Variants in PCSK5 observed in about 807,000 individuals in gnomAD.
PCSK5 encodes the protein prohormone convertase 5.
In PCSK5, 129 loss-of-function variants were observed where a neutral mutation model predicts 233.2. The observed-to-expected ratio is 0.55, with a 90% CI of 0.48 to 0.64. PCSK5 has a LOEUF of 0.64. Among genes scored for constraint, PCSK5 ranks in the 30% least tolerant of loss-of-function variants. The pLI, the probability that PCSK5 is intolerant of heterozygous loss-of-function variation, is 0.00. For missense variants in PCSK5, 2,076 were observed against 2,430.1 expected, an observed-to-expected ratio of 0.85 and a Z score of 3.06; for synonymous variants, 825 against 879.2, an observed-to-expected ratio of 0.94 and a Z score of 1.09.
At chr9:76,057,844 T>C in intron 5 of PCSK5, among the ~76,000 whole-genome samples, 1 of 142,490 alleles carries the variant, frequency 7.0e-6, no homozygotes, top group East Asian at 2.1e-4. Flanking sequence ...TTTTTTTTTT[T>C]TTTTTTTTTT....
chr9:76,156,404 T>G (rs887992533), intron 10 of PCSK5, among the ~76,000 whole-genome samples: 1 of 152,236 alleles, frequency 6.6e-6, no homozygotes, highest in African/African-American at 2.4e-5. Flanking sequence ...TGGATAAAGT[T>G]TAATAAATTT....
chr9:76,211,852 A>G (rs936691329), intron 20 of PCSK5, among the ~76,000 whole-genome samples: 3 of 152,130 alleles, frequency 2.0e-5, no homozygotes, highest in Non-Finnish European at 4.4e-5. Context: ...TGTCTCAAAA[A>G]AAAAATCAAA....
chr9:76,062,247 C>A (rs1830055272), intron 5 of PCSK5, among the ~76,000 whole-genome samples: 1 of 150,522 alleles, frequency 6.6e-6, no homozygotes, highest in African/African-American at 2.5e-5. Context: ...GAGCCCGTCT[C>A]CTAAAAAAAA....
At chr9:75,951,121 C>T (rs1473947776) in intron 2 of PCSK5, among the ~76,000 whole-genome samples, 1 of 152,206 alleles carries the variant, frequency 6.6e-6, no homozygotes, top group Non-Finnish European at 1.5e-5. Context: ...AGAGTCCAAA[C>T]TGGCACTGAA....
At chr9:76,156,683 A>G (rs896535927) in intron 10 of PCSK5, among the ~76,000 whole-genome samples, 2 of 152,230 alleles carry the variant, frequency 1.3e-5, no homozygotes, top group Non-Finnish European at 2.9e-5. Flanking sequence ...TTGCTAGTCA[A>G]TCTTGGCCAA....
At chr9:76,044,660 G>T (rs900290330) in intron 5 of PCSK5, among the ~76,000 whole-genome samples, 1 of 152,112 alleles carries the variant, frequency 6.6e-6, no homozygotes, top group Non-Finnish European at 1.5e-5. Context: ...TAGAGATTTT[G>T]GTCATCAGGA....
chr9:75,892,608 GGGA>G (rs1204556320), intron 1 of PCSK5, among the ~76,000 whole-genome samples: 1 of 152,210 alleles, frequency 6.6e-6, no homozygotes, highest in Admixed American at 6.5e-5. Context: ...CCGGCGGAGT[GGGA>G]GAGTACGGAC....
In PCSK5 at chr9:76,310,732, C is replaced by T. The variant is rs370033696; in HGVS notation, c.3765C>T (p.Cys1255=). Residue 1255 remains cysteine, a synonymous_variant, in exon 30 of 38, where the codon TGC becomes TGT. Transcript: ENST00000674117. The part of the protein sequence containing the change: ...GTWPSVRSGS[C]ENCTEACAIC... Reference sequence around the variant, plus strand: ...GGCCTTCCGTAAGGAGTGGGAGCTGCGAGAACTGTACGGAGGCCTGTGCCA... The same window carrying T: ...GGCCTTCCGTAAGGAGTGGGAGCTGTGAGAACTGTACGGAGGCCTGTGCCA... 2.6e-5 allele frequency: 42 copies of T among 1,612,162 alleles called. No individual in the cohort carries two copies. Among genetic ancestry groups the T allele is most frequent in the Admixed American group, 1.8e-4 (11 of 59,942 alleles).
At chr9:75,934,588 AAT>A in intron 2 of PCSK5, among the ~76,000 whole-genome samples, 1 of 150,776 alleles carries the variant, frequency 6.6e-6, no homozygotes, top group East Asian at 1.9e-4. Context: ...TTTTTTTTTA[AAT>A]TTTTTTTTTA....
Position 76,351,465 on chromosome 9 carries a change from A to AAAGAAAGAAAGAAAG in PCSK5, c.5067+540_5067+554dup, listed in dbSNP as rs1564196608. Among the ~76,000 whole-genome samples, 14 of 57,260 alleles carry AAAGAAAGAAAGAAAG rather than the reference A, an allele frequency of 2.4e-4. 1 individual carries two copies. Among genetic ancestry groups the AAAGAAAGAAAGAAAG allele is most frequent in the African/African-American group, 7.5e-4 (13 of 17,348 alleles). 37.6% of individuals were successfully genotyped at this position (57,260 alleles called of 152,430 possible). ...AAAGAAAGGAAAGAAAGAAAGAAAGAAAGAAAGAAAGAAAGAAAGAAAGAA... is the reference window on the plus strand; with the variant it reads ...AAAGAAAGGAAAGAAAGAAAGAAAGAAAGAAAGAAAGAAAGAAGAAAGAAAGAAAGAAAGAAAGAA... On this transcript the variant is annotated intron_variant, in intron 36 of 37. Coordinates refer to ENST00000674117, the MANE Select transcript of PCSK5 (RefSeq NM_001372043.1).
chr9:76,302,737 G>A (rs1255108715), intron 28 of PCSK5, among the ~76,000 whole-genome samples: 1 of 152,100 alleles, frequency 6.6e-6, no homozygotes, highest in Admixed American at 6.6e-5. Context: ...TACTTTACAG[G>A]CAAGGTGATA....
chr9:76,227,644 A>C, intron 21 of PCSK5, 39 bp downstream of exon 21: 219 of 1,328,034 alleles, frequency 1.6e-4, no homozygotes, highest in Non-Finnish European at 2.2e-4. Flanking sequence ...GTGTGAGCTC[A>C]TGGATTGCAG....
At chr9:76,106,752 A>G (rs1327427260) in intron 8 of PCSK5, among the ~76,000 whole-genome samples, 1 of 152,210 alleles carries the variant, frequency 6.6e-6, no homozygotes, top group East Asian at 1.9e-4. Flanking sequence ...AGCAGAGCAT[A>G]CTTTTGGCTT....
intron 17 of PCSK5, among the ~76,000 whole-genome samples, chr9:76,187,200 A>G (rs1467379452): frequency 6.6e-6 from 1 of 152,210 alleles, no homozygotes; most frequent in East Asian, 1.9e-4. Flanking sequence ...CAGTCAATTA[A>G]GATGTCAATT....
intron 2 of PCSK5, among the ~76,000 whole-genome samples, chr9:75,968,635 T>G (rs1305764186): frequency 6.6e-6 from 1 of 152,156 alleles, no homozygotes; most frequent in East Asian, 1.9e-4. Flanking sequence ...TGCAAGAGCT[T>G]GGAAGATGAA....
At chr9:76,188,514 G>A in intron 17 of PCSK5, 64 bp from the exon 18 acceptor site, 1 of 986,414 alleles carries the variant, frequency 1.0e-6, no homozygotes, top group African/African-American at 1.6e-5. Flanking sequence ...TGGAGTTTGG[G>A]GAGTCATTAC....
chr9:76,346,507 C>CT (rs1360901392), intron 35 of PCSK5, among the ~76,000 whole-genome samples: 7 of 152,186 alleles, frequency 4.6e-5, no homozygotes, highest in Admixed American at 1.3e-4. Context: ...AACCCGTGAA[C>CT]TTGCCCAGTT....
intron 34 of PCSK5, among the ~76,000 whole-genome samples, chr9:76,332,961 A>T (rs1386537344): frequency 6.6e-6 from 1 of 152,180 alleles, no homozygotes; most frequent in Non-Finnish European, 1.5e-5. Flanking sequence ...AGGATCACTT[A>T]AGGCAGGAGT....
At chr9:76,246,840 T>A (rs1826620643) in intron 24 of PCSK5, among the ~76,000 whole-genome samples, 3 of 152,222 alleles carry the variant, frequency 2.0e-5, no homozygotes, top group Admixed American at 2.0e-4. Flanking sequence ...AGTATGCTAC[T>A]ATTACCAGGG....
Sources: gnomAD v4.1 joint callset for allele counts (sites outside exome capture counted in the v4.1 genomes callset) on GRCh38, gnomAD v4.1.1 for gene constraint, MANE v1.5 for transcripts, NCBI Gene and HGNC (gene_info 2026-07-23, HGNC 2026-07-21) for gene names.